The following EGFR variants were observed in gnomAD, a reference collection of about 807,000 sequenced individuals.
EGFR encodes the protein epidermal growth factor receptor.
EGFR carries 58 observed loss-of-function variants against 143.0 expected under a neutral mutation model. The ratio of observed to expected loss-of-function variants is 0.41; its 90% CI spans 0.33 to 0.50. The LOEUF is 0.50. Ranked by LOEUF, EGFR falls within the 20% of genes least tolerant of loss-of-function variation. The probability of loss-of-function intolerance (pLI) is 0.39; values close to 1 mark genes in which losing one functional copy is unlikely to be tolerated. For missense variants in EGFR, 1,307 were observed against 1,579.0 expected (o/e 0.83, Z 2.92); for synonymous variants, 613 against 594.4 (o/e 1.03, Z -0.45).
chr7:55,095,621 AC>A (rs2128897307), intron 1 of EGFR, among the ~76,000 whole-genome samples: 1 of 152,326 alleles, frequency 6.6e-6, no homozygotes, highest in Non-Finnish European at 1.5e-5. Context: ...ACACACAGAT[AC>A]AAACACATAC....
At chr7:55,035,998 T>C (rs915890600) in intron 1 of EGFR, among the ~76,000 whole-genome samples, 3 of 152,004 alleles carry the variant, frequency 2.0e-5, no homozygotes, top group Admixed American at 2.0e-4. Context: ...AATTATCTAG[T>C]GATGCAGTGT....
chr7:55,041,940 A>G (rs1373279572), intron 1 of EGFR, among the ~76,000 whole-genome samples: 1 of 152,212 alleles, frequency 6.6e-6, no homozygotes, highest in African/African-American at 2.4e-5. Flanking sequence ...ACCTCTTCAT[A>G]TAGAAGGATC....
intron 15 of EGFR, among the ~76,000 whole-genome samples, chr7:55,166,505 T>A (rs1785987555): frequency 6.6e-6 from 1 of 152,258 alleles, no homozygotes; most frequent in Non-Finnish European, 1.5e-5. Context: ...ATATGTCATA[T>A]ACTTAAAATG....
At chr7:55,187,167 T>G (rs1475226456) in intron 20 of EGFR, among the ~76,000 whole-genome samples, 3 of 152,132 alleles carry the variant, frequency 2.0e-5, no homozygotes, top group Non-Finnish European at 4.4e-5. Context: ...GCCAAGCACA[T>G]GGAGCCTCAT....
At chr7:55,026,868 CAA>C (rs113196161) in intron 1 of EGFR, among the ~76,000 whole-genome samples, 1 of 135,010 alleles carries the variant, frequency 7.4e-6, no homozygotes. Flanking sequence ...CTTTAACTGC[CAA>C]AAAAAAAAAG....
intron 1 of EGFR, among the ~76,000 whole-genome samples, chr7:55,042,625 G>A (rs1787959472): frequency 1.3e-5 from 2 of 151,940 alleles, no homozygotes; most frequent in East Asian, 1.9e-4. Flanking sequence ...GTATGTGCAC[G>A]AGGTCGTTAT....
At chr7:55,150,138 T>A (rs969981765) in intron 4 of EGFR, among the ~76,000 whole-genome samples, 2 of 152,272 alleles carry the variant, frequency 1.3e-5, no homozygotes, top group African/African-American at 4.8e-5. Flanking sequence ...GCATTTTTCT[T>A]TTAAATATTT....
chr7:55,031,686 A>C (rs192118811), intron 1 of EGFR, among the ~76,000 whole-genome samples: 1 of 152,368 alleles, frequency 6.6e-6, no homozygotes, highest in Admixed American at 6.5e-5. Flanking sequence ...GCTCAGTTGC[A>C]AAAACAAGAC....
chr7:55,206,530 C>T lies in EGFR; in HGVS notation c.*913C>T, dbSNP rs1788111326. On this transcript the variant is annotated 3_prime_UTR_variant, in exon 28 of 28. Transcript: ENST00000275493. ...AATGTGGAATACCTAAGGATAGCAC[C>T]GCTTTTGTTCTCGCAAAAACGTATC... 4.3e-6 allele frequency: 1 copy of T among 233,208 alleles called. No individual in the cohort carries two copies. The highest frequency in any genetic ancestry group is 6.0e-5 in the East Asian group (1 of 16,584). The allele number at this position is 233,208 out of a possible 1,614,324, so 14.4% of individuals were successfully genotyped here. A position where few individuals can be genotyped will look rare whatever the true frequency, so the allele number is the denominator to read the frequency against.
chr7:55,042,610 T>C (rs1787958022), intron 1 of EGFR, among the ~76,000 whole-genome samples: 1 of 152,086 alleles, frequency 6.6e-6, no homozygotes, highest in Non-Finnish European at 1.5e-5. Context: ...TGCAGGTCAC[T>C]CTACGTATGT....
chr7:55,177,718 G>A (rs1426373663), intron 19 of EGFR, among the ~76,000 whole-genome samples: 1 of 152,224 alleles, frequency 6.6e-6, no homozygotes, highest in Non-Finnish European at 1.5e-5. Context: ...AGGTCACAAA[G>A]CCTCAGGGAC....
intron 1 of EGFR, among the ~76,000 whole-genome samples, chr7:55,086,804 C>T (rs1790789606): frequency 6.6e-6 from 1 of 152,202 alleles, no homozygotes; most frequent in Non-Finnish European, 1.5e-5. Flanking sequence ...AACAGACTTT[C>T]TTCCTCTTCT....
rs1337953035 is a variant in EGFR at position 55,206,984 on chromosome 7, C to T, written c.*1367C>T. On this transcript the variant is annotated 3_prime_UTR_variant, in exon 28 of 28. Transcript: ENST00000275493. The stretch of plus-strand genomic sequence containing the variant: ...AGATGTTTTAGAAGGAAAAAAGTTC[C>T]TTCCTAAAATAATTTCTCTACAATT... 3.0e-5 allele frequency: 7 copies of T among 233,014 alleles called. No homozygotes were observed. Among genetic ancestry groups the T allele is most frequent in the Non-Finnish European group, 5.1e-5 (6 of 117,960 alleles). The allele number at this position is 233,014 out of a possible 1,614,324, so 14.4% of individuals were successfully genotyped here.
intron 1 of EGFR, chr7:55,043,995 A>T (rs891822665): frequency 4.6e-5 from 7 of 152,194 alleles, no homozygotes; most frequent in African/African-American, 1.2e-4. Flanking sequence ...CCACGTGAAG[A>T]CGCCTTAGTT....
intron 25 of EGFR, 114 bp from the exon 26 acceptor site, chr7:55,201,621 A>C: frequency 7.1e-7 from 1 of 1,403,176 alleles, no homozygotes; most frequent in Non-Finnish European, 1.0e-6. Context: ...GATTAAGACA[A>C]AAATTAAACA....
chr7:55,165,642 T>C (rs771101602), intron 15 of EGFR, among the ~76,000 whole-genome samples: 6 of 152,204 alleles, frequency 3.9e-5, no homozygotes, highest in Admixed American at 3.9e-4. Flanking sequence ...CCATGCACCG[T>C]GTCCCCGGCC....
chr7:55,074,279 G>A (rs1790010249), intron 1 of EGFR, among the ~76,000 whole-genome samples: 2 of 152,304 alleles, frequency 1.3e-5, no homozygotes, highest in South Asian at 2.1e-4. Flanking sequence ...GAGGAAATTC[G>A]GAAGGACCAC....
chr7:55,154,120 G>C lies in EGFR; in HGVS notation c.857G>C (p.Ser286Thr), dbSNP rs2128935109. The change falls in exon 7 of 28, where the codon AGC becomes ACC. Residue 286 changes from serine (S) to threonine (T), a missense_variant. Transcript: ENST00000275493. ...QMDVNPEGKY[S>T]FGATCVKKCP... ...GATGTGAACCCCGAGGGCAAATACA[G>C]CTTTGGTGCCACCTGCGTGAAGAAG... 6.2e-7 allele frequency: 1 copy of C among 1,614,242 alleles called. No individual in the cohort carries two copies. Among genetic ancestry groups the C allele is most frequent in the East Asian group, 2.2e-5 (1 of 44,872 alleles).
intron 1 of EGFR, among the ~76,000 whole-genome samples, chr7:55,023,716 C>T (rs1786717808): frequency 1.3e-5 from 2 of 149,582 alleles, no homozygotes; most frequent in African/African-American, 4.9e-5. Flanking sequence ...TCCTTTATCA[C>T]TTATGGACAT....
Sources: gnomAD v4.1 joint callset for allele counts (sites outside exome capture counted in the v4.1 genomes callset) on GRCh38, gnomAD v4.1.1 for gene constraint, MANE v1.5 for transcripts, NCBI Gene and HGNC (gene_info 2026-07-23, HGNC 2026-07-21) for gene names.